FRMD4A: variants seen among roughly 807,000 people sequenced by gnomAD.
FRMD4A encodes the protein FERM domain containing 4A.
In FRMD4A, 29 loss-of-function variants were observed where a neutral mutation model predicts 129.1. The observed-to-expected ratio is 0.22, with a 90% CI of 0.17 to 0.31. The LOEUF is 0.31. FRMD4A is among the 10% of genes least tolerant of loss of function. The probability of loss-of-function intolerance (pLI) is 1.00; values close to 1 mark genes in which losing one functional copy is unlikely to be tolerated. For missense variants in FRMD4A, 1,272 were observed against 1,375.8 expected, an observed-to-expected ratio of 0.92 and a Z score of 1.19; for synonymous variants, 634 against 571.6, an observed-to-expected ratio of 1.11 and a Z score of -1.56.
At chr10:14,182,594 G>C (rs1841949308) in intron 2 of FRMD4A, among the ~76,000 whole-genome samples, 1 of 152,080 alleles carries the variant, frequency 6.6e-6, no homozygotes, top group East Asian at 1.9e-4. Flanking sequence ...CTTCATGGTA[G>C]GGGTGTGAAA....
chr10:13,832,401 G>A (rs777690285), intron 3 of FRMD4A, among the ~76,000 whole-genome samples: 30 of 152,286 alleles, frequency 2.0e-4, no homozygotes, highest in South Asian at 8.3e-4. Context: ...AGGTCTGTGC[G>A]GAAATGTCAC....
intron 3 of FRMD4A, among the ~76,000 whole-genome samples, chr10:13,820,027 G>A (rs1250811781): frequency 6.6e-6 from 1 of 152,068 alleles, no homozygotes; most frequent in Non-Finnish European, 1.5e-5. Context: ...AGATACAGAG[G>A]GTTTTTTAAA....
intron 6 of FRMD4A, among the ~76,000 whole-genome samples, chr10:13,781,813 C>CTTTT (rs1168127556): frequency 1.1e-5 from 1 of 91,464 alleles, no homozygotes; most frequent in Non-Finnish European, 2.0e-5. Flanking sequence ...TTGCCAGTGG[C>CTTTT]TGAGGAAAAC....
chr10:13,994,541 C>CA (rs2095615867), intron 2 of FRMD4A, among the ~76,000 whole-genome samples: 1 of 152,150 alleles, frequency 6.6e-6, no homozygotes, highest in Non-Finnish European at 1.5e-5. Flanking sequence ...AGGCTGGTCT[C>CA]AAACTCCTGA....
At chr10:13,876,926 A>G (rs1252904587) in intron 2 of FRMD4A, among the ~76,000 whole-genome samples, 1 of 152,138 alleles carries the variant, frequency 6.6e-6, no homozygotes, top group East Asian at 1.9e-4. Flanking sequence ...TAATTTGCCT[A>G]TTCTGTAGAA....
intron 2 of FRMD4A, among the ~76,000 whole-genome samples, chr10:14,035,437 A>AC (rs1341568611): frequency 6.6e-6 from 1 of 151,810 alleles, no homozygotes; most frequent in Non-Finnish European, 1.5e-5. Flanking sequence ...AACAAAAAAA[A>AC]AAAAAGAAGA....
At chr10:14,226,642 C>T (rs559766922) in intron 2 of FRMD4A, among the ~76,000 whole-genome samples, 10 of 152,196 alleles carry the variant, frequency 6.6e-5, no homozygotes, top group Non-Finnish European at 1.2e-4. Flanking sequence ...CAAACTTGCC[C>T]GTGTTCTAAG....
At chr10:13,893,732 C>T (rs1427787637) in intron 2 of FRMD4A, among the ~76,000 whole-genome samples, 2 of 152,166 alleles carry the variant, frequency 1.3e-5, no homozygotes, top group Non-Finnish European at 2.9e-5. Flanking sequence ...CCAGGCTGGT[C>T]TTGAACTCCT....
chr10:14,248,443 C>T (rs960019456), intron 2 of FRMD4A, among the ~76,000 whole-genome samples: 1 of 151,192 alleles, frequency 6.6e-6, no homozygotes, highest in African/African-American at 2.4e-5. Flanking sequence ...TCAATGTGTT[C>T]GTTATCTCTA....
At chr10:14,088,460 A>G (rs976412373) in intron 2 of FRMD4A, among the ~76,000 whole-genome samples, 26 of 151,420 alleles carry the variant, frequency 1.7e-4, no homozygotes, top group Non-Finnish European at 1.2e-4. Context: ...AAAAAAAAAA[A>G]AAAGGAACGA....
intron 2 of FRMD4A, among the ~76,000 whole-genome samples, chr10:14,170,082 A>G (rs750839374): frequency 7.9e-4 from 120 of 152,202 alleles, no homozygotes; most frequent in Non-Finnish European, 5.1e-4. Context: ...AGTGACTTTA[A>G]GAGTTTCACA....
intron 2 of FRMD4A, among the ~76,000 whole-genome samples, chr10:14,244,633 C>G (rs993226334): frequency 2.0e-5 from 3 of 152,126 alleles, no homozygotes; most frequent in Non-Finnish European, 4.4e-5. Flanking sequence ...AAATGAAAAA[C>G]CAACCTAAAC....
At chr10:14,093,362 A>G (rs1836764265) in intron 2 of FRMD4A, among the ~76,000 whole-genome samples, 1 of 152,238 alleles carries the variant, frequency 6.6e-6, no homozygotes, top group Non-Finnish European at 1.5e-5. Flanking sequence ...CAGAAGTAAT[A>G]TAGGATCCTA....
intron 14 of FRMD4A, among the ~76,000 whole-genome samples, chr10:13,700,605 T>TG (rs1564641711): frequency 1.3e-5 from 2 of 151,842 alleles, no homozygotes; most frequent in South Asian, 4.2e-4. Flanking sequence ...GAGTGGCTTG[T>TG]GGGGGGCTGA....
chr10:13,695,994 A>G (rs1042443237), intron 14 of FRMD4A, among the ~76,000 whole-genome samples: 3 of 152,192 alleles, frequency 2.0e-5, no homozygotes. Flanking sequence ...ACACTGAGGC[A>G]TGGCGCTTGT....
intron 2 of FRMD4A, among the ~76,000 whole-genome samples, chr10:14,085,726 C>T (rs1983905): frequency 1.3e-5 from 2 of 152,076 alleles, no homozygotes; most frequent in African/African-American, 4.8e-5. Context: ...GAAACCTCCT[C>T]TCTGTGAAAC....
At chr10:14,033,407 C>T (rs1833345232) in intron 2 of FRMD4A, among the ~76,000 whole-genome samples, 1 of 152,068 alleles carries the variant, frequency 6.6e-6, no homozygotes, top group African/African-American at 2.4e-5. Flanking sequence ...TCTAGTGTGA[C>T]CATCACCCAA....
chr10:14,248,701 T>C (rs1450834439), intron 2 of FRMD4A, among the ~76,000 whole-genome samples: 1 of 152,262 alleles, frequency 6.6e-6, no homozygotes, highest in Non-Finnish European at 1.5e-5. Context: ...TTGTTTACAA[T>C]GGCCTCCAAT....
At chr10:14,302,455 C>T (rs982844881) in intron 2 of FRMD4A, among the ~76,000 whole-genome samples, 3 of 152,184 alleles carry the variant, frequency 2.0e-5, no homozygotes, top group Admixed American at 2.0e-4. Flanking sequence ...TCTCTGGAGT[C>T]AGACTCCAGC....
Sources: allele counts gnomAD v4.1 joint callset (sites outside exome capture counted in the v4.1 genomes callset), GRCh38; gene constraint gnomAD v4.1.1; transcripts MANE v1.5; gene names NCBI Gene and HGNC (gene_info 2026-07-23, HGNC 2026-07-21).